Variants in AGBL3 observed in about 807,000 individuals in gnomAD.
AGBL3 encodes cytosolic carboxypeptidase 3.
Under a neutral mutation model 94.5 loss-of-function variants are expected in AGBL3, and 68 were observed. The ratio of observed to expected loss-of-function variants is 0.72; its 90% CI spans 0.59 to 0.88. The LOEUF (loss-of-function observed/expected upper bound fraction) is 0.88, where lower values mean the gene tolerates loss of function less well. Ranked by LOEUF, AGBL3 falls within the 40% of genes least tolerant of loss-of-function variation. The pLI is 0.00. For synonymous variants in AGBL3, 354 were observed against 370.7 expected, an observed-to-expected ratio of 0.95 and a Z score of 0.52; for missense variants, 934 against 1,103.8, an observed-to-expected ratio of 0.85 and a Z score of 2.18.
At chr7:134,992,747 T>G (rs1810454923) in intron 3 of AGBL3, among the ~76,000 whole-genome samples, 1 of 152,376 alleles carries the variant, frequency 6.6e-6, no homozygotes, top group South Asian at 2.1e-4. Flanking sequence ...TCCAGTTATC[T>G]GAGCTCTAGT....
At chr7:135,118,723 G>T (rs1280089067) in intron 16 of AGBL3, among the ~76,000 whole-genome samples, 1 of 152,008 alleles carries the variant, frequency 6.6e-6, no homozygotes, top group Non-Finnish European at 1.5e-5. Flanking sequence ...TTTTGACAAA[G>T]ATTTTTAAAG....
intron 2 of AGBL3, chr7:134,988,274 G>T: frequency 3.5e-6 from 1 of 285,076 alleles, no homozygotes; most frequent in Non-Finnish European, 6.6e-6. Context: ...ATTATTAGTA[G>T]GGTTTTAGTT....
intron 12 of AGBL3, among the ~76,000 whole-genome samples, chr7:135,068,198 A>C (rs1352268404): frequency 2.0e-5 from 3 of 152,198 alleles, no homozygotes; most frequent in African/African-American, 7.2e-5. Flanking sequence ...AAATAATAAA[A>C]AGAAACCAAC....
At chr7:135,021,365 C>T (rs1814431609) in intron 5 of AGBL3, among the ~76,000 whole-genome samples, 1 of 151,042 alleles carries the variant, frequency 6.6e-6, no homozygotes, top group Non-Finnish European at 1.5e-5. Context: ...TATCTCGGCT[C>T]ACTGCAAGCT....
At chr7:135,016,146 CTT>C (rs940544371) in intron 4 of AGBL3, among the ~76,000 whole-genome samples, 5 of 151,982 alleles carry the variant, frequency 3.3e-5, no homozygotes, top group African/African-American at 1.2e-4. Context: ...TTAATTTTGA[CTT>C]AAGTTGGTTA....
chr7:135,052,311 A>G (rs540553325), intron 11 of AGBL3, among the ~76,000 whole-genome samples: 1 of 152,166 alleles, frequency 6.6e-6, no homozygotes, highest in Non-Finnish European at 1.5e-5. Flanking sequence ...TTTTCAGTAC[A>G]TAGGGGTTTT....
At chr7:135,105,859 T>A (rs998467338) in intron 15 of AGBL3, among the ~76,000 whole-genome samples, 2 of 152,246 alleles carry the variant, frequency 1.3e-5, no homozygotes, top group Non-Finnish European at 2.9e-5. Context: ...CATTGATTCT[T>A]CTGACCCATG....
Position 134,993,669 on chromosome 7 carries a change from C to T in AGBL3, c.301C>T (p.Gln101Ter), listed in dbSNP as rs1554488721. 6.5e-7 allele frequency: 1 copy of T among 1,549,348 alleles called. No homozygotes were observed. The highest frequency in any genetic ancestry group is 8.7e-7 in the Non-Finnish European group (1 of 1,145,750). ...YHCEVIDEKV[Q>*]HIDWTPSCPE... ...TTGTGAAGTCATCGATGAAAAAGTC[C>T]AGCATATTGGTATGTTTTTAGCAGT... The change falls in exon 4 of 17, where the codon CAG becomes TAG. Residue 101 changes from glutamine to a stop codon, truncating the protein, a stop_gained. Coordinates refer to ENST00000436302, the MANE Select transcript of AGBL3 (RefSeq NM_178563.4). LOFTEE classifies it high-confidence loss of function.
chr7:135,090,631 T>C (rs1310458148), intron 15 of AGBL3, among the ~76,000 whole-genome samples: 1 of 152,118 alleles, frequency 6.6e-6, no homozygotes, highest in African/African-American at 2.4e-5. Context: ...ACGTGACCAC[T>C]CTGAGTGACC....
chr7:135,089,941 G>A (rs920706597), intron 15 of AGBL3, among the ~76,000 whole-genome samples: 13 of 152,164 alleles, frequency 8.5e-5, no homozygotes, highest in African/African-American at 3.1e-4. Context: ...GGCAGAGTTG[G>A]ATGTAGGTTC....
chr7:135,125,362 T>C (rs932697053), intron 16 of AGBL3, among the ~76,000 whole-genome samples: 1 of 151,980 alleles, frequency 6.6e-6, no homozygotes, highest in African/African-American at 2.4e-5. Context: ...GATCCCTGAA[T>C]AGACCAATAG....
At chr7:135,104,334 G>A (rs1251919782) in intron 15 of AGBL3, among the ~76,000 whole-genome samples, 1 of 152,162 alleles carries the variant, frequency 6.6e-6, no homozygotes, top group African/African-American at 2.4e-5. Context: ...CATCTAGGTT[G>A]ATTCCATGTC....
intron 15 of AGBL3, among the ~76,000 whole-genome samples, chr7:135,096,237 T>C (rs1822668135): frequency 6.6e-6 from 1 of 152,070 alleles, no homozygotes; most frequent in African/African-American, 2.4e-5. Context: ...TTCAGTGTTG[T>C]GTATATTGGG....
intron 15 of AGBL3, among the ~76,000 whole-genome samples, chr7:135,087,954 T>C (rs1380255479): frequency 6.6e-6 from 1 of 152,080 alleles, no homozygotes; most frequent in Non-Finnish European, 1.5e-5. Context: ...AAATTCTATC[T>C]CTCCCTTTAG....
At chr7:135,133,771 A>C (rs1829107712) in intron 16 of AGBL3, among the ~76,000 whole-genome samples, 1 of 151,974 alleles carries the variant, frequency 6.6e-6, no homozygotes, top group Non-Finnish European at 1.5e-5. Flanking sequence ...TTAACTCACA[A>C]AAAAACCTGT....
intron 16 of AGBL3, among the ~76,000 whole-genome samples, chr7:135,118,306 A>G (rs35826250): frequency 0.44 from 67,148 of 152,042 alleles, 15,492 homozygotes; most frequent in East Asian, 0.78. Context: ...TTAATATATA[A>G]GGAACCTCTT....
At chr7:135,006,475 G>A (rs947252613) in intron 4 of AGBL3, among the ~76,000 whole-genome samples, 7 of 151,958 alleles carry the variant, frequency 4.6e-5, no homozygotes, top group African/African-American at 1.2e-4. Flanking sequence ...AACTAGCTGA[G>A]TGCAGGGCCT....
chr7:135,013,512 T>G, intron 4 of AGBL3, among the ~76,000 whole-genome samples: 1 of 152,222 alleles, frequency 6.6e-6, no homozygotes, highest in Non-Finnish European at 1.5e-5. Context: ...CTATGTATAT[T>G]AAACATCTCT....
In AGBL3 at chr7:135,081,831, T is replaced by C. The variant is rs1335769863; in HGVS notation, c.2110+41T>C. On this transcript the variant is annotated intron_variant, in intron 15 of 16. Transcript: ENST00000436302. ...ACACAGACAGTAATGAGTGGTCCCC[T>C]ATGATCTGAATGTTATTTTTCTCTC... 5 of 1,284,396 alleles carry C rather than the reference T, an allele frequency of 3.9e-6. No homozygotes were observed. In the African/African-American group the frequency reaches 4.4e-5, roughly 11 times the overall value. 79.6% of individuals were successfully genotyped at this position (1,284,396 alleles called of 1,614,324 possible). A position where few individuals can be genotyped will look rare whatever the true frequency, so the allele number is the denominator to read the frequency against.
Sources: gnomAD v4.1 joint callset for allele counts (sites outside exome capture counted in the v4.1 genomes callset) on GRCh38, gnomAD v4.1.1 for gene constraint, MANE v1.5 for transcripts, NCBI Gene and HGNC (gene_info 2026-07-23, HGNC 2026-07-21) for gene names.